BTG4: variants seen among roughly 807,000 people sequenced by gnomAD.
BTG4 encodes the protein BTG anti-proliferation factor 4, also known as protein BTG4.
Under a neutral mutation model 19.3 loss-of-function variants are expected in BTG4, and 10 were observed. That is an observed-to-expected ratio of 0.52 (90% CI 0.32 to 0.88). The LOEUF (loss-of-function observed/expected upper bound fraction) is 0.88. Ranked by LOEUF, BTG4 falls within the 40% of genes least tolerant of loss-of-function variation. BTG4 has a pLI of 0.04. For missense variants in BTG4, 238 were observed against 281.9 expected, an observed-to-expected ratio of 0.84 and a Z score of 1.11; for synonymous variants, 91 against 95.7, an observed-to-expected ratio of 0.95 and a Z score of 0.29.
At chr11:111,462,529 C>T (rs971632029), downstream of BTG4, 6 of 152,816 alleles carry the variant, frequency 3.9e-5, no homozygotes, top group African/African-American at 1.4e-4. Context: ...CCCTCCTGCC[C>T]TCTGAATGTG....
chr11:111,409,740 C>T, the BTG4 span, among the ~76,000 whole-genome samples: 165 of 152,306 alleles, frequency 1.1e-3, no homozygotes, highest in Middle Eastern at 3.4e-3. Flanking sequence ...TGTCAGTATC[C>T]TCTTCCTAAT....
chr11:111,468,997 G>A (rs1426325039), intron 5 of BTG4, among the ~76,000 whole-genome samples: 1 of 152,242 alleles, frequency 6.6e-6, no homozygotes, highest in African/African-American at 2.4e-5. Flanking sequence ...AAACTTGGGA[G>A]ACAGTGGAGC....
the BTG4 span, among the ~76,000 whole-genome samples, chr11:111,387,696 C>A: frequency 2.4e-4 from 37 of 152,300 alleles, no homozygotes; most frequent in East Asian, 7.7e-4. Context: ...GACCAGGTAG[C>A]TTTAATTATT....
chr11:111,510,534 G>A (rs1020404508), intron 1 of BTG4, among the ~76,000 whole-genome samples: 3 of 152,084 alleles, frequency 2.0e-5, no homozygotes, highest in Admixed American at 2.0e-4. Flanking sequence ...GGGTCTCCCT[G>A]GTCTCCAGGC....
the BTG4 span, among the ~76,000 whole-genome samples, chr11:111,440,836 C>T: frequency 6.6e-6 from 1 of 152,220 alleles, no homozygotes; most frequent in African/African-American, 2.4e-5. Flanking sequence ...CACTATGTTG[C>T]AGCTCTGAGA....
At chr11:111,442,291 A>G in the BTG4 span, among the ~76,000 whole-genome samples, 2 of 151,300 alleles carry the variant, frequency 1.3e-5, no homozygotes, top group Non-Finnish European at 2.9e-5. Flanking sequence ...ACTTGAGGTC[A>G]GGAGTTTGAG....
chr11:111,473,837 T>C (rs993972252), intron 5 of BTG4, among the ~76,000 whole-genome samples: 1 of 152,168 alleles, frequency 6.6e-6, no homozygotes, highest in East Asian at 1.9e-4. Context: ...GAACAAAAAG[T>C]AGCTAGAACA....
intron 5 of BTG4, among the ~76,000 whole-genome samples, chr11:111,484,405 C>T (rs1418144619): frequency 6.6e-6 from 1 of 152,040 alleles, no homozygotes. Context: ...AAAGACAAAT[C>T]TATCAAAAAT....
At chr11:111,441,048 CAG>C in the BTG4 span, among the ~76,000 whole-genome samples, 1 of 152,042 alleles carries the variant, frequency 6.6e-6, no homozygotes, top group African/African-American at 2.4e-5. Flanking sequence ...AGTCATCTGG[CAG>C]AGTCTTGGTT....
At chr11:111,446,624 AACACAC>A in the BTG4 span, among the ~76,000 whole-genome samples, 35 of 146,942 alleles carry the variant, frequency 2.4e-4, no homozygotes, top group Non-Finnish European at 3.6e-4. Flanking sequence ...GACACCAATA[AACACAC>A]ACACACACAC....
At chr11:111,433,717 C>CA in the BTG4 span, among the ~76,000 whole-genome samples, 1,876 of 151,822 alleles carry the variant, frequency 0.012, 33 homozygotes, top group African/African-American at 0.042. Flanking sequence ...AAGAAAAAAA[C>CA]AACCCCATCA....
chr11:111,471,546 T>C (rs1864063041), intron 5 of BTG4, among the ~76,000 whole-genome samples: 1 of 152,158 alleles, frequency 6.6e-6, no homozygotes, highest in East Asian at 1.9e-4. Flanking sequence ...TCTCTGATTG[T>C]TCCTTCTCAG....
At chr11:111,390,100 A>G in the BTG4 span, among the ~76,000 whole-genome samples, 3 of 152,274 alleles carry the variant, frequency 2.0e-5, no homozygotes, top group Admixed American at 6.5e-5. Context: ...TAAGTAGAAG[A>G]GCCAGGATTA....
intron 2 of BTG4, 24 bp downstream of exon 2, chr11:111,498,580 G>A: frequency 6.3e-7 from 1 of 1,588,336 alleles, no homozygotes; most frequent in South Asian, 1.2e-5. Flanking sequence ...GCTTCCCTTT[G>A]CCATCCCACA....
the BTG4 span, among the ~76,000 whole-genome samples, chr11:111,389,187 G>A: frequency 3.9e-5 from 6 of 152,168 alleles, no homozygotes; most frequent in Admixed American, 6.5e-5. Context: ...CAGCTGCACT[G>A]CTGTTTTTCA....
intron 5 of BTG4, among the ~76,000 whole-genome samples, chr11:111,485,178 A>C (rs927071316): frequency 1.3e-5 from 2 of 152,146 alleles, no homozygotes; most frequent in Non-Finnish European, 2.9e-5. Flanking sequence ...TCAACACGCC[A>C]CTTTCAGTAT....
chr11:111,460,313 G>A, the BTG4 span: 1 of 152,782 alleles, frequency 6.5e-6, no homozygotes, highest in Non-Finnish European at 1.5e-5. Flanking sequence ...CAGAGTGGTG[G>A]TGCCCGTTGT....
chr11:111,432,109 C>T, the BTG4 span, among the ~76,000 whole-genome samples: 1 of 152,196 alleles, frequency 6.6e-6, no homozygotes, highest in African/African-American at 2.4e-5. Context: ...ATTCAACAAA[C>T]ATTTACTGAG....
At chr11:111,417,542 C>G in the BTG4 span, 1 of 152,200 alleles carries the variant, frequency 6.6e-6, no homozygotes, top group Non-Finnish European at 1.5e-5. Flanking sequence ...TCTGAGCTCT[C>G]GGAGCCCTTG....
Sources: allele counts gnomAD v4.1 joint callset (sites outside exome capture counted in the v4.1 genomes callset), GRCh38; gene constraint gnomAD v4.1.1; transcripts MANE v1.5; gene names NCBI Gene and HGNC (gene_info 2026-07-23, HGNC 2026-07-21).